LUZP2: variants seen among roughly 807,000 people sequenced by gnomAD.
The protein encoded by LUZP2 is leucine zipper protein 2.
Under a neutral mutation model 51.6 loss-of-function variants are expected in LUZP2, and 52 were observed. The ratio of observed to expected loss-of-function variants is 1.01; its 90% confidence interval spans 0.81 to 1.27. The LOEUF (loss-of-function observed/expected upper bound fraction) is 1.27, where lower values mean the gene tolerates loss of function less well. Ranked by LOEUF, LUZP2 falls within the 50% of genes most tolerant of loss-of-function variation. LUZP2 has a pLI of 0.00. For missense variants in LUZP2, 436 were observed against 395.4 expected, an observed-to-expected ratio of 1.10 and a Z score of -0.87; for synonymous variants, 154 against 137.3, an observed-to-expected ratio of 1.12 and a Z score of -0.85.
At position 24,991,430 on chromosome 11, in the gene LUZP2, A is replaced by G. The variant is rs1420567142; in HGVS notation, c.765+8137A>G. Among the ~76,000 whole-genome samples, 7 of 136,756 alleles carry G rather than the reference A, an allele frequency of 5.1e-5. No individual in the cohort carries two copies. The South Asian group carries it at 1.4e-3, about 27-fold the overall frequency. 89.7% of individuals were successfully genotyped at this position (136,756 alleles called of 152,430 possible). A position where few individuals can be genotyped will look rare whatever the true frequency, so the allele number is the denominator to read the frequency against. On this transcript the variant is annotated intron_variant, in intron 9 of 11. Coordinates refer to ENST00000336930, the MANE Select transcript of LUZP2 (RefSeq NM_001009909.4). ...TATATATATATATATTCCATCATAT[A>G]TATACATATATCTCTCACAGTTTCT...
At chr11:24,515,332 C>A (rs938878958) in intron 1 of LUZP2, among the ~76,000 whole-genome samples, 3 of 151,630 alleles carry the variant, frequency 2.0e-5, no homozygotes, top group Non-Finnish European at 4.4e-5. Context: ...AGCTGAAAGA[C>A]CCCATCTGTA....
chr11:24,512,669 A>G (rs754906946), intron 1 of LUZP2, among the ~76,000 whole-genome samples: 8 of 152,076 alleles, frequency 5.3e-5, no homozygotes, highest in East Asian at 1.9e-4. Context: ...ACGAAGTTCA[A>G]CGTTACTTTT....
intron 9 of LUZP2, among the ~76,000 whole-genome samples, chr11:25,002,084 A>G (rs145993959): frequency 0.014 from 2,119 of 152,346 alleles, 25 homozygotes; most frequent in South Asian, 0.051. Flanking sequence ...ATGGGCATGA[A>G]GGATTAGATA....
At chr11:24,574,812 T>C (rs1210068337) in intron 1 of LUZP2, among the ~76,000 whole-genome samples, 2 of 152,154 alleles carry the variant, frequency 1.3e-5, no homozygotes, top group Non-Finnish European at 2.9e-5. Context: ...AATTATTTGG[T>C]AAAGACTTTG....
intron 1 of LUZP2, among the ~76,000 whole-genome samples, chr11:24,583,104 G>A (rs995286744): frequency 1.3e-5 from 2 of 151,992 alleles, no homozygotes; most frequent in Non-Finnish European, 1.5e-5. Context: ...AATGAATTAT[G>A]TATAGTTTTT....
rs139266056 is a variant in LUZP2, at chr11:24,957,181, C to A, written c.523-19410C>A. Among the ~76,000 whole-genome samples the A allele has an allele frequency of 4.6e-5, 7 of 152,144 alleles. No individual in the cohort carries two copies. The East Asian group carries it at 1.4e-3, about 29-fold the overall frequency. ...AGTCAGAAAAATGCGGTACCAAAAC[C>A]TAGCTGTTATCTTTCGCTTATTCTC... is the stretch of plus-strand genomic sequence containing the variant. On this transcript the variant is annotated intron_variant, in intron 7 of 11. Coordinates refer to ENST00000336930, the MANE Select transcript of LUZP2 (RefSeq NM_001009909.4).
chr11:24,586,382 A>G (rs1159466237), intron 1 of LUZP2, among the ~76,000 whole-genome samples: 1 of 151,920 alleles, frequency 6.6e-6, no homozygotes, highest in Non-Finnish European at 1.5e-5. Flanking sequence ...TAGAAAATTC[A>G]CATACATATT....
intron 1 of LUZP2, among the ~76,000 whole-genome samples, chr11:24,512,135 C>A (rs1850330643): frequency 6.6e-6 from 1 of 152,060 alleles, no homozygotes; most frequent in Non-Finnish European, 1.5e-5. Context: ...TTGGGCTGAA[C>A]AGGGGAAGAA....
intron 9 of LUZP2, among the ~76,000 whole-genome samples, chr11:24,992,146 T>A (rs1042081273): frequency 7.2e-5 from 11 of 152,088 alleles, no homozygotes; most frequent in African/African-American, 2.7e-4. Flanking sequence ...CTAAATTCCC[T>A]GGCTAGCCTG....
intron 1 of LUZP2, among the ~76,000 whole-genome samples, chr11:24,633,962 G>GTATATATATATA (rs753189196): frequency 1.6e-4 from 22 of 140,918 alleles, no homozygotes; most frequent in African/African-American, 5.2e-4. Flanking sequence ...GTGTGTGTGT[G>GTATATATATATA]TGTATATATA....
In LUZP2 at chr11:24,732,143, C is replaced by T; in HGVS notation, c.206C>T (p.Ala69Val). 1 of 1,609,246 alleles carries T rather than the reference C, an allele frequency of 6.2e-7. No individual in the cohort carries two copies. The highest frequency in any genetic ancestry group is 1.7e-4 in the Middle Eastern group (1 of 6,032). Residue 69 changes from alanine (A) to valine (V), a missense_variant, in exon 3 of 12, where the codon GCC (alanine) becomes GTC (valine). By Grantham distance (64) the Ala-to-Val change is moderately conservative. Coordinates refer to ENST00000336930, the MANE Select transcript of LUZP2 (RefSeq NM_001009909.4). ...LQSLKNDEQS[A>V]KTDVQKLLEL... is the part of the protein sequence containing the mutation. ...TCCTTAAAAAACGATGAGCAGTCTG[C>T]CAAAACTGATGTTCAGAAACTTCTG...
At chr11:25,018,035 C>CTG (rs1445415521) in intron 9 of LUZP2, among the ~76,000 whole-genome samples, 1 of 25,378 alleles carries the variant, frequency 3.9e-5, no homozygotes, top group African/African-American at 9.4e-5. Flanking sequence ...TTTTTTGTTT[C>CTG]TGTTTTTTTT....
chr11:25,053,374 T>C (rs1858581845), intron 10 of LUZP2, among the ~76,000 whole-genome samples: 1 of 152,148 alleles, frequency 6.6e-6, no homozygotes, highest in Non-Finnish European at 1.5e-5. Context: ...ATGAAGCTAA[T>C]TATTTTTGAA....
At chr11:25,001,360 C>T (rs10834573) in intron 9 of LUZP2, among the ~76,000 whole-genome samples, 10 of 151,958 alleles carry the variant, frequency 6.6e-5, no homozygotes, top group Non-Finnish European at 8.8e-5. Flanking sequence ...ATACCTATTA[C>T]GTCTTTTTTC....
At chr11:24,743,046 G>A (rs530292738) in intron 4 of LUZP2, among the ~76,000 whole-genome samples, 1 of 152,120 alleles carries the variant, frequency 6.6e-6, no homozygotes, top group African/African-American at 2.4e-5. Context: ...ATTTCCATTG[G>A]TCTATATGCC....
intron 7 of LUZP2, among the ~76,000 whole-genome samples, chr11:24,922,779 T>A (rs1175317209): frequency 2.1e-5 from 3 of 142,536 alleles, no homozygotes; most frequent in African/African-American, 7.5e-5. Context: ...AGAGAAGTTA[T>A]AAGAGTTTTC....
At chr11:24,890,964 G>T (rs1471994880) in intron 5 of LUZP2, 20 of 939,180 alleles carry the variant, frequency 2.1e-5, no homozygotes, top group Non-Finnish European at 2.5e-5. Flanking sequence ...AAATACAACT[G>T]CAGTGAAATG....
intron 1 of LUZP2, among the ~76,000 whole-genome samples, chr11:24,709,826 T>C (rs1857747514): frequency 6.6e-6 from 1 of 152,190 alleles, no homozygotes; most frequent in Non-Finnish European, 1.5e-5. Context: ...AGGGATAATA[T>C]AATCAGGTGG....
intron 5 of LUZP2, among the ~76,000 whole-genome samples, chr11:24,881,762 G>A (rs939651294): frequency 6.6e-6 from 1 of 151,838 alleles, no homozygotes; most frequent in Non-Finnish European, 1.5e-5. Flanking sequence ...TTTTACAAGT[G>A]TAATATTAAA....
Sources: gnomAD v4.1 joint callset for allele counts (sites outside exome capture counted in the v4.1 genomes callset) on GRCh38, gnomAD v4.1.1 for gene constraint, MANE v1.5 for transcripts, NCBI Gene and HGNC (gene_info 2026-07-23, HGNC 2026-07-21) for gene names.